Variants in COG7 observed in about 807,000 individuals in gnomAD.
COG7 encodes conserved oligomeric Golgi complex subunit 7.
Under a neutral mutation model 91.5 loss-of-function variants are expected in COG7, and 49 were observed. The ratio of observed to expected loss-of-function variants is 0.54; its 90% confidence interval spans 0.43 to 0.68. The LOEUF is 0.68. COG7 is among the 30% of genes least tolerant of loss of function. The pLI is 0.00. For missense variants in COG7, 895 were observed against 961.3 expected, an observed-to-expected ratio of 0.93 and a Z score of 0.91; for synonymous variants, 365 against 388.7, an observed-to-expected ratio of 0.94 and a Z score of 0.72.
At chr16:23,411,762 C>A (rs1963566045) in intron 10 of COG7, among the ~76,000 whole-genome samples, 1 of 152,138 alleles carries the variant, frequency 6.6e-6, no homozygotes, top group Admixed American at 6.5e-5. Context: ...CCACATGTGT[C>A]ACGGGCAAGG....
At chr16:23,446,445 CTTTTTTTTTTTTTT>C (rs34254755) in intron 1 of COG7, 4 of 112,556 alleles carry the variant, frequency 3.6e-5, no homozygotes, top group African/African-American at 1.5e-4. Flanking sequence ...TTTCCATGGT[CTTTTTTTTTTTTTT>C]TTTTTTTTTT....
At chr16:23,420,808 A>G (rs555044899) in intron 7 of COG7, among the ~76,000 whole-genome samples, 10 of 152,046 alleles carry the variant, frequency 6.6e-5, no homozygotes, top group African/African-American at 2.4e-4. Context: ...CAGTGGTCCA[A>G]CCACAGGTCA....
rs575006106 is a variant in COG7 at position 23,433,379 on chromosome 16, C to T, written c.810+166G>A. Among the ~76,000 whole-genome samples, 10 of 152,276 alleles carry T rather than the reference C, an allele frequency of 6.6e-5. No homozygotes were observed. In the South Asian group the frequency reaches 1.0e-3, roughly 16 times the overall value. On this transcript the variant is annotated intron_variant, in intron 6 of 16. Transcript: ENST00000307149. The stretch of plus-strand genomic sequence containing the variant: ...GTGTGGTGATTACAAGTGTGAGCCA[C>T]CGCACCCGGCCTAACTGGTTATTTT...
intron 14 of COG7, among the ~76,000 whole-genome samples, chr16:23,394,057 G>GAAA (rs34646144): frequency 9.3e-6 from 1 of 107,260 alleles, no homozygotes; most frequent in Non-Finnish European, 2.0e-5. Flanking sequence ...CTCTGTCTCA[G>GAAA]AAAAAAAAAA....
intron 14 of COG7, among the ~76,000 whole-genome samples, chr16:23,394,722 T>G (rs1963257201): frequency 1.3e-5 from 2 of 152,184 alleles, no homozygotes; most frequent in Admixed American, 1.3e-4. Context: ...TACAGGATGA[T>G]CATGCCCTTC....
chr16:23,418,800 T>A lies in COG7; in HGVS notation c.1037A>T (p.Glu346Val). 1 of 1,613,764 alleles carries A rather than the reference T, an allele frequency of 6.2e-7. No individual in the cohort carries two copies. Among genetic ancestry groups the A allele is most frequent in the Non-Finnish European group, 8.5e-7 (1 of 1,179,684 alleles). The change falls in exon 8 of 17, where the codon GAG becomes GTG. Residue 346 changes from glutamate to valine, a missense_variant. Coordinates refer to ENST00000307149, the MANE Select transcript of COG7 (RefSeq NM_153603.4). ...TGGATCATACACAGCATCCACCAGC[T>A]CCGTGACTTTTACCAGATTGTGTTC... is the stretch of plus-strand genomic sequence containing the variant. ...LHEHNLVKVT[E>V]LVDAVYDPYK...
At chr16:23,431,447 A>G (rs1963932913) in intron 6 of COG7, among the ~76,000 whole-genome samples, 1 of 152,250 alleles carries the variant, frequency 6.6e-6, no homozygotes, top group African/African-American at 2.4e-5. Flanking sequence ...AGGCATTCGT[A>G]TGTATGGACA....
At chr16:23,431,292 A>G (rs1963930400) in intron 6 of COG7, among the ~76,000 whole-genome samples, 1 of 152,228 alleles carries the variant, frequency 6.6e-6, no homozygotes, top group South Asian at 2.1e-4. Flanking sequence ...AGGAGGGGAC[A>G]GCCCAACTAT....
At position 23,389,087 on chromosome 16, in the gene COG7, C is replaced by T. The variant is rs757032731; in HGVS notation, c.2147-1G>A. 1.2e-6 allele frequency: 2 copies of T among 1,613,748 alleles called. No individual in the cohort carries two copies. The highest frequency in any genetic ancestry group is 8.5e-7 in the Non-Finnish European group (1 of 1,179,964). The stretch of plus-strand genomic sequence containing the variant: ...GCATCCATCACGTTGATCAGATAGT[C>T]TGTGGGGGCGGAGAGGAGACAGACA... On this transcript the variant is annotated splice_acceptor_variant, in intron 16 of 16. Coordinates refer to ENST00000307149, the MANE Select transcript of COG7 (RefSeq NM_153603.4). LOFTEE classifies it high-confidence loss of function.
At chr16:23,405,656 A>G (rs1194844793) in intron 12 of COG7, among the ~76,000 whole-genome samples, 4 of 151,562 alleles carry the variant, frequency 2.6e-5, no homozygotes, top group African/African-American at 9.7e-5. Context: ...AGCTGGGACT[A>G]CAGGTGCGTG....
intron 16 of COG7, among the ~76,000 whole-genome samples, chr16:23,391,237 C>A (rs1963190806): frequency 6.6e-6 from 1 of 152,196 alleles, no homozygotes; most frequent in South Asian, 2.1e-4. Flanking sequence ...GCAGGGGGAG[C>A]TTAACAGGGA....
chr16:23,393,869 C>T (rs547293385), intron 14 of COG7, among the ~76,000 whole-genome samples: 1 of 152,034 alleles, frequency 6.6e-6, no homozygotes, highest in African/African-American at 2.4e-5. Flanking sequence ...TGGTGAAGCC[C>T]TATCCTACTA....
chr16:23,415,449 G>A (rs1352388904), intron 9 of COG7: 1 of 152,204 alleles, frequency 6.6e-6, no homozygotes, highest in African/African-American at 2.4e-5. Context: ...AATCTCAGAG[G>A]AAAAGTGTAG....
At chr16:23,434,407 C>A (rs1181488215) in intron 5 of COG7, among the ~76,000 whole-genome samples, 1 of 151,568 alleles carries the variant, frequency 6.6e-6, no homozygotes, top group East Asian at 1.9e-4. Context: ...TATAATGAAT[C>A]CAGCTGTAAA....
chr16:23,444,769 G>C (rs1254643391), intron 3 of COG7, among the ~76,000 whole-genome samples: 1 of 152,018 alleles, frequency 6.6e-6, no homozygotes, highest in Non-Finnish European at 1.5e-5. Context: ...GCATCCCAAA[G>C]AGCTGGGATT....
intron 6 of COG7, 70 bp from the exon 7 acceptor site, chr16:23,425,017 CTT>C (rs1307201901): frequency 1.4e-6 from 2 of 1,396,292 alleles, no homozygotes; most frequent in Admixed American, 3.9e-5. Flanking sequence ...TTTTAAAAAA[CTT>C]TTTTGAGATG....
Position 23,388,891 on chromosome 16 carries a change from C to G in COG7, c.*29G>C, listed in dbSNP as rs775850398. ...GTGAGTCGCGAAACAGCAGCCCTGG[C>G]TCTCTTGGTGGTCCGGTGTGTGGTG... On this transcript the variant is annotated 3_prime_UTR_variant, in exon 17 of 17. Coordinates refer to ENST00000307149, the MANE Select transcript of COG7 (RefSeq NM_153603.4). The G allele has an allele frequency of 1.2e-6, 2 of 1,613,702 alleles. No homozygotes were observed. Among genetic ancestry groups the G allele is most frequent in the Non-Finnish European group, 1.7e-6 (2 of 1,179,912 alleles).
intron 12 of COG7, among the ~76,000 whole-genome samples, chr16:23,404,288 T>C (rs182740092): frequency 7.2e-5 from 11 of 152,346 alleles, no homozygotes; most frequent in African/African-American, 2.4e-4. Flanking sequence ...AAAGCCAAAG[T>C]ATGTACAACC....
intron 6 of COG7, among the ~76,000 whole-genome samples, chr16:23,426,837 AGAAAG>A (rs766656174): frequency 0.11 from 14,593 of 132,992 alleles, 645 homozygotes; most frequent in East Asian, 0.19. Context: ...AAAAAAAAAA[AGAAAG>A]AAAGAAAGAA....
Sources: gnomAD v4.1 joint callset for allele counts (sites outside exome capture counted in the v4.1 genomes callset) on GRCh38, gnomAD v4.1.1 for gene constraint, MANE v1.5 for transcripts, NCBI Gene and HGNC (gene_info 2026-07-23, HGNC 2026-07-21) for gene names.